Variants in CEMIP observed in about 807,000 individuals in gnomAD.
The protein encoded by CEMIP is cell migration-inducing and hyaluronan-binding protein.
A neutral mutation model predicts 156.9 loss-of-function variants in CEMIP; 105 were observed. That is an observed-to-expected ratio of 0.67 (90% CI 0.57 to 0.79). CEMIP has a LOEUF of 0.79. Ranked by LOEUF, CEMIP falls within the 30% of genes least tolerant of loss-of-function variation. CEMIP has a pLI of 0.00. For synonymous variants in CEMIP, 676 were observed against 668.4 expected, an observed-to-expected ratio of 1.01 and a Z score of -0.17; for missense variants, 1,457 against 1,769.4, an observed-to-expected ratio of 0.82 and a Z score of 3.17.
intron 21 of CEMIP, among the ~76,000 whole-genome samples, chr15:80,929,432 T>C (rs1900821047): frequency 6.6e-6 from 1 of 152,170 alleles, no homozygotes; most frequent in South Asian, 2.1e-4. Context: ...CTGGGCTATG[T>C]TAATGGGAAT....
chr15:80,905,967 G>A (rs1052861793), intron 12 of CEMIP, among the ~76,000 whole-genome samples: 1 of 152,206 alleles, frequency 6.6e-6, no homozygotes, highest in Non-Finnish European at 1.5e-5. Context: ...GGCCACAGTG[G>A]TGGATGCAGA....
At chr15:80,865,460 G>A (rs916804668) in intron 1 of CEMIP, among the ~76,000 whole-genome samples, 2 of 152,026 alleles carry the variant, frequency 1.3e-5, no homozygotes, top group South Asian at 2.1e-4. Context: ...GATTATAGGC[G>A]TGAGCCACCG....
intron 14 of CEMIP, among the ~76,000 whole-genome samples, chr15:80,916,725 C>T (rs755912301): frequency 3.9e-5 from 6 of 152,136 alleles, no homozygotes; most frequent in Non-Finnish European, 5.9e-5. Context: ...AAAATTTAGA[C>T]GTCATCCCAT....
intron 1 of CEMIP, among the ~76,000 whole-genome samples, chr15:80,872,051 A>G (rs1013722761): frequency 1.3e-5 from 2 of 152,172 alleles, no homozygotes; most frequent in African/African-American, 4.8e-5. Context: ...TGTGGGAGGT[A>G]CCAGGCAGAG....
At chr15:80,858,809 T>C (rs1897916171) in intron 1 of CEMIP, among the ~76,000 whole-genome samples, 1 of 152,248 alleles carries the variant, frequency 6.6e-6, no homozygotes, top group Non-Finnish European at 1.5e-5. Context: ...CCATAGTGAA[T>C]GTCAAAAACA....
rs145132944 is a variant in CEMIP, at chr15:80,940,707, C to T, written c.3408-1142C>T. On this transcript the variant is annotated intron_variant, in intron 25 of 29. Transcript: ENST00000394685. Reference sequence around the variant, plus strand: ...AAGTGGAGGTGCTACAGAGAGAAGACCAAGGGGTCTTCAAGAAATAAAAAC... The same window carrying T: ...AAGTGGAGGTGCTACAGAGAGAAGATCAAGGGGTCTTCAAGAAATAAAAAC... Among the ~76,000 whole-genome samples the T allele has an allele frequency of 9.8e-4, 149 of 152,286 alleles. 4 individuals carry two copies. In the South Asian group the frequency reaches 0.012, roughly 12 times the overall value.
intron 1 of CEMIP, among the ~76,000 whole-genome samples, chr15:80,798,236 T>A (rs1368153446): frequency 6.6e-6 from 1 of 152,214 alleles, no homozygotes; most frequent in Non-Finnish European, 1.5e-5. Flanking sequence ...ACTGTATATT[T>A]TTTACATAAC....
intron 15 of CEMIP, 142 bp from the exon 16 acceptor site, chr15:80,920,890 G>A (rs1900445861): frequency 1.4e-6 from 1 of 708,632 alleles, no homozygotes; most frequent in Middle Eastern, 2.4e-4. Context: ...CTGGGTTTCA[G>A]ATCAACAAGT....
In CEMIP at chr15:80,867,072, C is replaced by T. The variant is rs542368788; in HGVS notation, c.-175-6466C>T. ...CAATTGTCTTCTACTCTGTGGGCCTCGGTTTGCAAATCTGTAAAATGGGGA... is the reference window on the plus strand; with the variant it reads ...CAATTGTCTTCTACTCTGTGGGCCTTGGTTTGCAAATCTGTAAAATGGGGA... On this transcript the variant is annotated intron_variant, in intron 1 of 29. Transcript: ENST00000394685. 2.0e-5 allele frequency among the ~76,000 whole-genome samples: 3 copies of T among 152,234 alleles called. No homozygotes were observed. The South Asian group carries it at 6.2e-4, about 32-fold the overall frequency.
intron 1 of CEMIP, among the ~76,000 whole-genome samples, chr15:80,824,839 T>G (rs555333998): frequency 3.3e-5 from 5 of 152,354 alleles, no homozygotes; most frequent in East Asian, 3.9e-4. Context: ...TCCCACATAG[T>G]AAGCAGACTA....
At chr15:80,908,493 G>A (rs996614472) in intron 13 of CEMIP, among the ~76,000 whole-genome samples, 16 of 152,148 alleles carry the variant, frequency 1.1e-4, no homozygotes, top group African/African-American at 1.9e-4. Context: ...CAGGAGTTCC[G>A]TGTGGTCAAG....
intron 10 of CEMIP, among the ~76,000 whole-genome samples, chr15:80,894,763 T>C (rs1447708799): frequency 2.0e-5 from 3 of 152,196 alleles, no homozygotes; most frequent in Non-Finnish European, 4.4e-5. Context: ...TACTGAGTAC[T>C]GTAGGACCTC....
chr15:80,878,448 AC>A (rs1898541198), intron 3 of CEMIP, among the ~76,000 whole-genome samples: 1 of 152,234 alleles, frequency 6.6e-6, no homozygotes, highest in African/African-American at 2.4e-5. Flanking sequence ...CATCTGGTCT[AC>A]GCTTTATTTA....
intron 18 of CEMIP, among the ~76,000 whole-genome samples, chr15:80,925,222 GT>G (rs1900613989): frequency 2.0e-5 from 3 of 152,214 alleles, no homozygotes; most frequent in African/African-American, 7.2e-5. Flanking sequence ...AGTGCACTCC[GT>G]TTTGTAGCTA....
Position 80,943,043 on chromosome 15 carries a change from C to G in CEMIP, c.3798C>G (p.Asn1266Lys). 1.2e-6 allele frequency: 2 copies of G among 1,614,236 alleles called. No homozygotes were observed. Among genetic ancestry groups the G allele is most frequent in the Non-Finnish European group, 1.7e-6 (2 of 1,180,034 alleles). The change falls in exon 28 of 30, where the codon AAC (asparagine) becomes AAG (lysine). Residue 1266 changes from asparagine (N) to lysine (K), a missense_variant. By Grantham distance (94) the Asn-to-Lys change is moderately conservative (BLOSUM62 0). Transcript: ENST00000394685. ...TGGTGAGCCACACGAGCTTCAGGAA[C>G]TCCATTCTGCAAGGCATACCATGGC... ...GRVVSHTSFR[N>K]SILQGIPWQL...
At chr15:80,915,798 T>C (rs1900251926) in intron 14 of CEMIP, among the ~76,000 whole-genome samples, 1 of 151,938 alleles carries the variant, frequency 6.6e-6, no homozygotes, top group South Asian at 2.1e-4. Context: ...TGTCCGGGTT[T>C]TTTTCTTCCA....
In CEMIP at chr15:80,932,945, G is replaced by A. The variant is rs1900979158; in HGVS notation, c.2794-300G>A. On this transcript the variant is annotated intron_variant, in intron 22 of 29. Coordinates refer to ENST00000394685, the MANE Select transcript of CEMIP (RefSeq NM_001293298.2). This position sits in a 1 kb window ranked among gnomAD's most constrained non-coding sequence, Gnocchi z 4.5. ...TCCTCAGTCCCCCTCCTCCATCTCT[G>A]CAGTTGGTGAAGGCTGTGTGTCAGA... 6.6e-6 allele frequency among the ~76,000 whole-genome samples: 1 copy of A among 152,110 alleles called. No homozygotes were observed.
At chr15:80,891,572 G>A (rs1899033771) in intron 10 of CEMIP, among the ~76,000 whole-genome samples, 1 of 152,218 alleles carries the variant, frequency 6.6e-6, no homozygotes, top group South Asian at 2.1e-4. Flanking sequence ...GCTTAGGGAA[G>A]TCTTCCCACA....
Position 80,937,860 on chromosome 15 carries a change from T to C in CEMIP, c.3288T>C (p.Val1096=). Residue 1096 remains valine, a synonymous_variant, in exon 25 of 30, where the codon GTT becomes GTC. Coordinates refer to ENST00000394685, the MANE Select transcript of CEMIP (RefSeq NM_001293298.2). ...CCACATTCTCCATCCTCTCGGATGT[T>C]CACAATCGCCTGCTGAAGCAAACGT... The part of the protein sequence containing the change: ...RGTTFSILSD[V]HNRLLKQTSK... 6.2e-7 allele frequency: 1 copy of C among 1,614,246 alleles called. No individual in the cohort carries two copies. The highest frequency in any genetic ancestry group is 8.5e-7 in the Non-Finnish European group (1 of 1,180,032).
Sources: allele counts gnomAD v4.1 joint callset (sites outside exome capture counted in the v4.1 genomes callset), GRCh38; gene constraint gnomAD v4.1.1; non-coding constraint Gnocchi (gnomAD v3.1); transcripts MANE v1.5; gene names NCBI Gene and HGNC (gene_info 2026-07-23, HGNC 2026-07-21).